KIRREL3: variants seen among roughly 807,000 people sequenced by gnomAD.
KIRREL3 encodes kin of IRRE-like protein 3.
A neutral mutation model predicts 89.7 loss-of-function variants in KIRREL3; 36 were observed. That is an observed-to-expected ratio of 0.40 (90% CI 0.31 to 0.53). The LOEUF is 0.53. Among genes scored for constraint, KIRREL3 ranks in the 20% least tolerant of loss-of-function variants. The pLI is 0.49. For missense variants in KIRREL3, 864 were observed against 1,056.6 expected (o/e 0.82, Z 2.53); for synonymous variants, 445 against 441.4 (o/e 1.01, Z -0.10).
At chr11:126,895,266 C>A (rs1330131410) in intron 1 of KIRREL3, among the ~76,000 whole-genome samples, 1 of 151,758 alleles carries the variant, frequency 6.6e-6, no homozygotes, top group African/African-American at 2.4e-5. Flanking sequence ...AGTTCAAGAC[C>A]AGCCTGGGCA....
At position 126,999,433 on chromosome 11, in the gene KIRREL3, C is replaced by T. The variant is rs1950261970; in HGVS notation, c.55+1022G>A. Among the ~76,000 whole-genome samples, 1 of 152,220 alleles carries T rather than the reference C, an allele frequency of 6.6e-6. No homozygotes were observed. The highest frequency in any genetic ancestry group is 6.5e-5 in the Admixed American group (1 of 15,292). The stretch of plus-strand genomic sequence containing the variant: ...GCCACCCATGGCAGTGCTTTGCTTT[C>T]TCGAAAACTTTTACCCTTCATTTAA... On this transcript the variant is annotated intron_variant, in intron 1 of 16. Transcript: ENST00000525144. This position sits in a 1 kb window ranked among gnomAD's most constrained non-coding sequence, Gnocchi z 5.7.
chr11:126,766,365 G>C lies in KIRREL3; in HGVS notation c.56-203453C>G, dbSNP rs942803798. On this transcript the variant is annotated intron_variant, in intron 1 of 16. Transcript: ENST00000525144. This position sits in a 1 kb window ranked among gnomAD's most constrained non-coding sequence, Gnocchi z 4.2. Reference sequence around the variant, plus strand: ...GAATTAGAACACTCACTCCTACGCGGAGAAGAAAAAACTTGGGGAGAGAGG... The same window carrying C: ...GAATTAGAACACTCACTCCTACGCGCAGAAGAAAAAACTTGGGGAGAGAGG... 2.6e-5 allele frequency among the ~76,000 whole-genome samples: 4 copies of C among 152,082 alleles called. No individual in the cohort carries two copies. Among genetic ancestry groups the C allele is most frequent in the African/African-American group, 9.7e-5 (4 of 41,422 alleles).
Position 126,475,328 on chromosome 11 carries a change from A to G in KIRREL3, c.434-1862T>C, listed in dbSNP as rs1032707142. 9.9e-5 allele frequency among the ~76,000 whole-genome samples: 15 copies of G among 152,118 alleles called. No individual in the cohort carries two copies. The highest frequency in any genetic ancestry group is 3.6e-4 in the African/African-American group (15 of 41,414). On this transcript the variant is annotated intron_variant, in intron 4 of 16. Transcript: ENST00000525144. This position sits in a 1 kb window ranked among gnomAD's most constrained non-coding sequence, Gnocchi z 7.5. ...CCCCTTCTCAGGGGATCGCCCCGTC[A>G]GCCCTTCTCCTAGTCCACTCCGGCT... is the stretch of plus-strand genomic sequence containing the variant.
At chr11:126,984,861 T>C (rs1014424048) in intron 1 of KIRREL3, among the ~76,000 whole-genome samples, 2 of 152,188 alleles carry the variant, frequency 1.3e-5, no homozygotes, top group Admixed American at 6.5e-5. Context: ...GGAGGAGACC[T>C]GGAGGAGGGA....
chr11:126,718,119 G>A (rs143224722), intron 1 of KIRREL3, among the ~76,000 whole-genome samples: 2,302 of 152,238 alleles, frequency 0.015, 22 homozygotes, highest in Middle Eastern at 0.031. Context: ...CGGAATTTGC[G>A]CTGAGAGGAG....
chr11:126,760,903 C>T (rs768957411), intron 1 of KIRREL3, among the ~76,000 whole-genome samples: 1 of 152,214 alleles, frequency 6.6e-6, no homozygotes, highest in Non-Finnish European at 1.5e-5. Flanking sequence ...TTGCAATGCA[C>T]ATTTTAGGAA....
Position 126,555,682 on chromosome 11 carries a change from A to G in KIRREL3, c.133+7153T>C, listed in dbSNP as rs10893539. Among the ~76,000 whole-genome samples the G allele has an allele frequency of 0.3, 46,038 of 151,734 alleles. 9,715 individuals carry two copies. Among genetic ancestry groups the G allele is most frequent in the African/African-American group, 0.6 (24,609 of 41,310 alleles). On this transcript the variant is annotated intron_variant, in intron 2 of 16. Transcript: ENST00000525144. The surrounding 1 kb of genome is among the most constrained non-coding windows in gnomAD (Gnocchi z 4.2). The stretch of plus-strand genomic sequence containing the variant: ...CAGGGTGTTTAAGGGGGTAGGATGA[A>G]GTCAGAGGTAGGTAGGAACCAGATC...
rs1310224616 is a variant in KIRREL3 at position 126,530,985 on chromosome 11, C to A, written c.134-4298G>T. 6.6e-6 allele frequency among the ~76,000 whole-genome samples: 1 copy of A among 152,048 alleles called. No individual in the cohort carries two copies. The highest frequency in any genetic ancestry group is 1.5e-5 in the Non-Finnish European group (1 of 68,030). The stretch of plus-strand genomic sequence containing the variant: ...AGCTGGGATTACAGGCACTCACCAC[C>A]ATGTCTGGTAATTTTTGTATTTTTA... On this transcript the variant is annotated intron_variant, in intron 2 of 16. Coordinates refer to ENST00000525144, the MANE Select transcript of KIRREL3 (RefSeq NM_032531.4). The surrounding 1 kb of genome is among the most constrained non-coding windows in gnomAD (Gnocchi z 5.8).
intron 1 of KIRREL3, among the ~76,000 whole-genome samples, chr11:126,770,130 G>A (rs1199970126): frequency 6.6e-6 from 1 of 152,130 alleles, no homozygotes; most frequent in Non-Finnish European, 1.5e-5. Context: ...GAGCAGTCCA[G>A]TGGGAAGCCT....
chr11:126,516,885 G>A lies in KIRREL3; in HGVS notation c.433+4430C>T, dbSNP rs1430646684. Among the ~76,000 whole-genome samples the A allele has an allele frequency of 6.6e-6, 1 of 152,158 alleles. No homozygotes were observed. Among genetic ancestry groups the A allele is most frequent in the Non-Finnish European group, 1.5e-5 (1 of 68,030 alleles). Reference sequence around the variant, plus strand: ...AGATGGGTGGATCACTTGAGGTCAAGTGTTCGAGACCAGCCTGGGCAGCAT... The same window carrying A: ...AGATGGGTGGATCACTTGAGGTCAAATGTTCGAGACCAGCCTGGGCAGCAT... On this transcript the variant is annotated intron_variant, in intron 4 of 16. Coordinates refer to ENST00000525144, the MANE Select transcript of KIRREL3 (RefSeq NM_032531.4). This position sits in a 1 kb window ranked among gnomAD's most constrained non-coding sequence, Gnocchi z 4.9.
intron 1 of KIRREL3, among the ~76,000 whole-genome samples, chr11:126,749,732 G>A (rs1467234420): frequency 6.6e-6 from 1 of 152,136 alleles, no homozygotes; most frequent in African/African-American, 2.4e-5. Context: ...AAATATTAAG[G>A]GGTGGAGGTG....
In KIRREL3 at chr11:126,526,823, G is replaced by T; in HGVS notation, c.134-136C>A. ...GAAGCACCTGGCTTTCCTGCTGAGGGTCTGGTAGAGCTTCCTAACTGGTCT... is the reference window on the plus strand; with the variant it reads ...GAAGCACCTGGCTTTCCTGCTGAGGTTCTGGTAGAGCTTCCTAACTGGTCT... On this transcript the variant is annotated intron_variant, in intron 2 of 16. Coordinates refer to ENST00000525144, the MANE Select transcript of KIRREL3 (RefSeq NM_032531.4). The surrounding 1 kb of genome is among the most constrained non-coding windows in gnomAD (Gnocchi z 5.7). 1.1e-6 allele frequency: 1 copy of T among 942,516 alleles called. No individual in the cohort carries two copies. Among genetic ancestry groups the T allele is most frequent in the Non-Finnish European group, 1.6e-6 (1 of 628,078 alleles). The allele number at this position is 942,516 out of a possible 1,614,324, so 58.4% of individuals were successfully genotyped here. A position where few individuals can be genotyped will look rare whatever the true frequency, so the allele number is the denominator to read the frequency against.
chr11:126,873,960 G>T (rs1186067488), intron 1 of KIRREL3, among the ~76,000 whole-genome samples: 2 of 152,108 alleles, frequency 1.3e-5, no homozygotes, highest in African/African-American at 4.8e-5. Flanking sequence ...TTTTTTCCAA[G>T]AATTCTATCT....
chr11:126,971,569 T>C (rs1949425349), intron 1 of KIRREL3, among the ~76,000 whole-genome samples: 1 of 152,148 alleles, frequency 6.6e-6, no homozygotes, highest in African/African-American at 2.4e-5. Flanking sequence ...TCAGCAGTCC[T>C]ATAGGAGAGT....
At position 126,430,121 on chromosome 11, in the gene KIRREL3, G is replaced by A. The variant is rs376145459; in HGVS notation, c.1697-833C>T. Reference sequence around the variant, plus strand: ...CCACTGCACTCCAGCCTGGGCAACAGGATGAGACTCTGTCTCAAAAAAAAA... The same window carrying A: ...CCACTGCACTCCAGCCTGGGCAACAAGATGAGACTCTGTCTCAAAAAAAAA... On this transcript the variant is annotated intron_variant, in intron 14 of 16. Transcript: ENST00000525144. The surrounding 1 kb of genome is among the most constrained non-coding windows in gnomAD (Gnocchi z 6.6). Among the ~76,000 whole-genome samples, 22 of 149,142 alleles carry A rather than the reference G, an allele frequency of 1.5e-4. No homozygotes were observed. Among genetic ancestry groups the A allele is most frequent in the South Asian group, 4.2e-4 (2 of 4,748 alleles).
intron 6 of KIRREL3, among the ~76,000 whole-genome samples, chr11:126,458,353 G>A (rs1037459697): frequency 1.3e-5 from 2 of 152,246 alleles, no homozygotes; most frequent in Non-Finnish European, 2.9e-5. Context: ...GCCCCAGCTG[G>A]CCCAGTTGGT....
At position 126,995,493 on chromosome 11, in the gene KIRREL3, T is replaced by A. The variant is rs1354889801; in HGVS notation, c.55+4962A>T. On this transcript the variant is annotated intron_variant, in intron 1 of 16. Coordinates refer to ENST00000525144, the MANE Select transcript of KIRREL3 (RefSeq NM_032531.4). This position sits in a 1 kb window ranked among gnomAD's most constrained non-coding sequence, Gnocchi z 6.5. ...AGGTCATCTCGACAATTTACAAGGA[T>A]AAGGATTGTAGCTGCAAAATAATGC... The A allele has an allele frequency of 2.7e-6, 1 of 368,184 alleles. No individual in the cohort carries two copies. The highest frequency in any genetic ancestry group is 5.3e-6 in the Non-Finnish European group (1 of 187,816). The allele number at this position is 368,184 out of a possible 1,614,324, so 22.8% of individuals were successfully genotyped here. A position where few individuals can be genotyped will look rare whatever the true frequency, so the allele number is the denominator to read the frequency against.
chr11:126,789,059 T>A (rs1950563460), intron 1 of KIRREL3, among the ~76,000 whole-genome samples: 1 of 152,182 alleles, frequency 6.6e-6, no homozygotes, highest in South Asian at 2.1e-4. Context: ...CTGCATGCGA[T>A]GATGCTGTAA....
At chr11:126,511,083 A>T (rs923436827) in intron 4 of KIRREL3, among the ~76,000 whole-genome samples, 13 of 118,232 alleles carry the variant, frequency 1.1e-4, no homozygotes, top group African/African-American at 4.5e-4. Context: ...GTGTTGGAGC[A>T]GAACAGAGAG....
Sources: allele counts gnomAD v4.1 joint callset (sites outside exome capture counted in the v4.1 genomes callset), GRCh38; gene constraint gnomAD v4.1.1; non-coding constraint Gnocchi (gnomAD v3.1); transcripts MANE v1.5; gene names NCBI Gene and HGNC (gene_info 2026-07-23, HGNC 2026-07-21).